MCPH1: variants seen among roughly 807,000 people sequenced by gnomAD.
MCPH1 encodes microcephalin.
MCPH1 carries 104 observed loss-of-function variants against 84.5 expected under a neutral mutation model. The ratio of observed to expected loss-of-function variants is 1.23; its 90% confidence interval spans 1.05 to 1.45. The LOEUF is 1.45. MCPH1 is among the 40% of genes most tolerant of loss of function. The pLI, the probability that MCPH1 is intolerant of heterozygous loss-of-function variation, is 0.00. For synonymous variants in MCPH1, 514 were observed against 366.8 expected, an observed-to-expected ratio of 1.40 and a Z score of -4.58; for missense variants, 1,498 against 1,005.7, an observed-to-expected ratio of 1.49 and a Z score of -6.62.
intron 8 of MCPH1, among the ~76,000 whole-genome samples, chr8:6,450,521 G>C (rs1804973289): frequency 6.7e-6 from 1 of 149,012 alleles, no homozygotes; most frequent in African/African-American, 2.5e-5. Flanking sequence ...CATACTAGAT[G>C]GTTATGCTCT....
intron 11 of MCPH1, among the ~76,000 whole-genome samples, chr8:6,483,727 G>A (rs114040974): frequency 1.3e-5 from 2 of 152,162 alleles, no homozygotes; most frequent in Non-Finnish European, 2.9e-5. Context: ...CGGCATGGTG[G>A]CACCTGCCTG....
Position 6,648,104 on chromosome 8 carries a change from G to A in MCPH1, c.*5055G>A, listed in dbSNP as rs1002939073. On this transcript the variant is annotated 3_prime_UTR_variant, in exon 14 of 14. Transcript: ENST00000344683. Reference sequence around the variant, plus strand: ...CCTTGGCTTTCAAGTTAAGGCCATGGTCTTTCTCTGCAGTCCCCAGCCAAT... The same window carrying A: ...CCTTGGCTTTCAAGTTAAGGCCATGATCTTTCTCTGCAGTCCCCAGCCAAT... 3.3e-5 allele frequency: 5 copies of A among 152,142 alleles called. No homozygotes were observed. The highest frequency in any genetic ancestry group is 1.2e-4 in the African/African-American group (5 of 41,416). 9.4% of individuals were successfully genotyped at this position (152,142 alleles called of 1,614,324 possible).
At chr8:6,436,654 G>A (rs1802680599) in intron 5 of MCPH1, among the ~76,000 whole-genome samples, 1 of 150,710 alleles carries the variant, frequency 6.6e-6, no homozygotes, top group Non-Finnish European at 1.5e-5. Context: ...TATATATATT[G>A]TTAAATAATA....
chr8:6,540,586 C>T (rs190949038), intron 12 of MCPH1, among the ~76,000 whole-genome samples: 17 of 152,324 alleles, frequency 1.1e-4, no homozygotes, highest in Admixed American at 5.2e-4. Context: ...GTGCAACAGA[C>T]GTTGTCAGGC....
chr8:6,536,272 T>C (rs1439067069), intron 12 of MCPH1, among the ~76,000 whole-genome samples: 2 of 152,126 alleles, frequency 1.3e-5, no homozygotes, highest in Admixed American at 6.5e-5. Context: ...CTGCCTGTGC[T>C]GTATGGGAAT....
intron 12 of MCPH1, among the ~76,000 whole-genome samples, chr8:6,525,447 C>T (rs374201220): frequency 9.2e-5 from 14 of 152,204 alleles, no homozygotes; most frequent in African/African-American, 3.1e-4. Flanking sequence ...CCTGGCTAGT[C>T]TCAAACTCCT....
intron 12 of MCPH1, chr8:6,507,453 C>G (rs1813973670): frequency 6.6e-6 from 1 of 152,172 alleles, no homozygotes; most frequent in South Asian, 2.1e-4. Context: ...CAGTGTTTTT[C>G]AAGAACTAAC....
chr8:6,633,122 C>A (rs1322430563), intron 13 of MCPH1, among the ~76,000 whole-genome samples: 1 of 151,762 alleles, frequency 6.6e-6, no homozygotes, highest in Non-Finnish European at 1.5e-5. Flanking sequence ...ATGGTGAAAA[C>A]CTTAGTTTAA....
chr8:6,480,119 T>TA (rs1367967629), intron 10 of MCPH1, among the ~76,000 whole-genome samples: 1 of 150,742 alleles, frequency 6.6e-6, no homozygotes, highest in African/African-American at 2.4e-5. Flanking sequence ...TTTTCTTTTT[T>TA]CTTTTTTTCT....
intron 12 of MCPH1, among the ~76,000 whole-genome samples, chr8:6,614,382 C>G (rs1414762496): frequency 6.6e-6 from 1 of 152,188 alleles, no homozygotes; most frequent in Non-Finnish European, 1.5e-5. Context: ...CTGGCGCCTC[C>G]TCCCCTCACC....
chr8:6,605,055 A>G lies in MCPH1; in HGVS notation c.2215-16399A>G, dbSNP rs1172121871. 2.0e-5 allele frequency among the ~76,000 whole-genome samples: 3 copies of G among 152,174 alleles called. No individual in the cohort carries two copies. In the East Asian group the frequency reaches 5.8e-4, roughly 29 times the overall value. On this transcript the variant is annotated intron_variant, in intron 12 of 13. Coordinates refer to ENST00000344683, the MANE Select transcript of MCPH1 (RefSeq NM_024596.5). ...AGTCAGGTCACCCCGACAGGACCCT[A>G]TGTCCCTCCTTGTCGCCTGACCTCT...
At chr8:6,441,688 A>T (rs1050086869) in intron 6 of MCPH1, among the ~76,000 whole-genome samples, 2 of 152,170 alleles carry the variant, frequency 1.3e-5, no homozygotes, top group Admixed American at 1.3e-4. Flanking sequence ...CTCCCCACTA[A>T]CACTAGCAGT....
At chr8:6,429,514 A>C (rs945321876) in intron 3 of MCPH1, among the ~76,000 whole-genome samples, 5 of 149,772 alleles carry the variant, frequency 3.3e-5, no homozygotes, top group Non-Finnish European at 7.4e-5. Flanking sequence ...CCCAGCTGCC[A>C]GGCTTGGGTT....
At chr8:6,564,562 A>C (rs1275802215) in intron 12 of MCPH1, among the ~76,000 whole-genome samples, 1 of 120,014 alleles carries the variant, frequency 8.3e-6, no homozygotes, top group Non-Finnish European at 1.9e-5. Context: ...ACATAGGGAA[A>C]AAGCCCCCTG....
chr8:6,532,318 G>A, intron 12 of MCPH1: 4 of 1,614,044 alleles, frequency 2.5e-6, no homozygotes, highest in Non-Finnish European at 3.4e-6. Flanking sequence ...TGTGCTTTAT[G>A]TGGCATTACT....
In MCPH1 at chr8:6,577,360, C is replaced by G. The variant is rs116747599; in HGVS notation, c.2215-44094C>G. Among the ~76,000 whole-genome samples, 912 of 152,324 alleles carry G rather than the reference C, an allele frequency of 6.0e-3. 12 individuals carry two copies. Among genetic ancestry groups the G allele is most frequent in the African/African-American group, 0.021 (884 of 41,570 alleles). On this transcript the variant is annotated intron_variant, in intron 12 of 13. Coordinates refer to ENST00000344683, the MANE Select transcript of MCPH1 (RefSeq NM_024596.5). Reference sequence around the variant, plus strand: ...AGCCACTAGATGTATAGGTCAGCAGCTCCACATAGAATCAAATTATCAAAT... The same window carrying G: ...AGCCACTAGATGTATAGGTCAGCAGGTCCACATAGAATCAAATTATCAAAT...
At chr8:6,469,765 T>C (rs1297371715) in intron 9 of MCPH1, among the ~76,000 whole-genome samples, 1 of 152,228 alleles carries the variant, frequency 6.6e-6, no homozygotes, top group East Asian at 1.9e-4. Context: ...TGACCTATCT[T>C]TGGTCTTACT....
chr8:6,634,483 G>GCTGTTGCCAACGCTTGCAAC (rs1797396961), intron 13 of MCPH1, among the ~76,000 whole-genome samples: 1 of 141,362 alleles, frequency 7.1e-6, no homozygotes, highest in African/African-American at 2.5e-5. Flanking sequence ...GGATGCCAAG[G>GCTGTTGCCAACGCTTGCAAC]ACAGAATGAC....
At chr8:6,522,864 C>T (rs1194809946) in intron 12 of MCPH1, among the ~76,000 whole-genome samples, 1 of 152,110 alleles carries the variant, frequency 6.6e-6, no homozygotes, top group African/African-American at 2.4e-5. Context: ...GAATACAATC[C>T]CAGAACTTTC....
Sources: gnomAD v4.1 joint callset for allele counts (sites outside exome capture counted in the v4.1 genomes callset) on GRCh38, gnomAD v4.1.1 for gene constraint, MANE v1.5 for transcripts, NCBI Gene and HGNC (gene_info 2026-07-23, HGNC 2026-07-21) for gene names.